RBM6: variants seen among roughly 807,000 people sequenced by gnomAD.
The protein encoded by RBM6 is RNA-binding protein 6.
A neutral mutation model predicts 140.4 loss-of-function variants in RBM6; 23 were observed. The observed-to-expected ratio is 0.16, with a 90% confidence interval of 0.12 to 0.23. RBM6 has a LOEUF of 0.23. Among genes scored for constraint, RBM6 ranks in the 10% least tolerant of loss-of-function variants. The pLI is 1.00. For missense variants in RBM6, 1,139 were observed against 1,386.7 expected, an observed-to-expected ratio of 0.82 and a Z score of 2.84; for synonymous variants, 439 against 475.6, an observed-to-expected ratio of 0.92 and a Z score of 1.00.
intron 6 of RBM6, among the ~76,000 whole-genome samples, chr3:50,010,241 T>C (rs1473174685): frequency 1.3e-5 from 2 of 152,160 alleles, no homozygotes; most frequent in Non-Finnish European, 2.9e-5. Context: ...ATTTTGTATA[T>C]TAATGATGTA....
Position 50,036,514 on chromosome 3 carries a change from T to C in RBM6, c.1558-11731T>C, listed in dbSNP as rs1030567796. Reference sequence around the variant, plus strand: ...GAATCATTCCCTCACTCTATACATATCTGCTGTTAAAAAAAAAAAAGTTAA... The same window carrying C: ...GAATCATTCCCTCACTCTATACATACCTGCTGTTAAAAAAAAAAAAGTTAA... On this transcript the variant is annotated intron_variant, in intron 6 of 20. Coordinates refer to ENST00000266022, the MANE Select transcript of RBM6 (RefSeq NM_005777.3). Among the ~76,000 whole-genome samples the C allele has an allele frequency of 1.3e-4, 19 of 151,852 alleles. No homozygotes were observed. The Middle Eastern group carries it at 0.017, about 136-fold the overall frequency.
At chr3:49,947,275 G>C (rs1032980700) in intron 1 of RBM6, among the ~76,000 whole-genome samples, 5 of 48,752 alleles carry the variant, frequency 1.0e-4, no homozygotes, top group South Asian at 5.0e-4. Context: ...GGGGGGGGGG[G>C]GGTTTTGAGC....
chr3:49,991,572 A>G (rs1362101791), intron 5 of RBM6, among the ~76,000 whole-genome samples: 2 of 152,170 alleles, frequency 1.3e-5, no homozygotes, highest in Non-Finnish European at 2.9e-5. Context: ...TAGGAGCTGT[A>G]TGCCAGGAAC....
chr3:50,038,923 G>C (rs1190123448), intron 6 of RBM6, among the ~76,000 whole-genome samples: 2 of 152,198 alleles, frequency 1.3e-5, no homozygotes, highest in African/African-American at 2.4e-5. Flanking sequence ...ATTGCAGTAG[G>C]AGAGAGCCTC....
intron 5 of RBM6, among the ~76,000 whole-genome samples, chr3:49,998,610 G>A (rs1310736246): frequency 6.6e-6 from 1 of 152,176 alleles, no homozygotes; most frequent in Non-Finnish European, 1.5e-5. Context: ...ACAACTCTCA[G>A]GCCTGTGCTG....
chr3:50,076,634 C>T (rs2090468714), intron 20 of RBM6, among the ~76,000 whole-genome samples: 1 of 151,462 alleles, frequency 6.6e-6, no homozygotes, highest in Non-Finnish European at 1.5e-5. Flanking sequence ...ATCTGTAATC[C>T]CAACACTTTG....
intron 1 of RBM6, among the ~76,000 whole-genome samples, chr3:49,955,892 A>T (rs1046852548): frequency 6.8e-6 from 1 of 146,474 alleles, no homozygotes; most frequent in Non-Finnish European, 1.5e-5. Context: ...GTGTATATGT[A>T]TATATATTCT....
chr3:50,018,407 T>A (rs2108786749), intron 6 of RBM6, among the ~76,000 whole-genome samples: 1 of 152,300 alleles, frequency 6.6e-6, no homozygotes, highest in Non-Finnish European at 1.5e-5. Context: ...TGTATGGATA[T>A]ATCACAGTTT....
At chr3:50,007,661 T>C (rs1175428206) in intron 6 of RBM6, among the ~76,000 whole-genome samples, 2 of 151,712 alleles carry the variant, frequency 1.3e-5, no homozygotes, top group Admixed American at 1.3e-4. Context: ...GCCTCCTGAG[T>C]AGCTGGGACT....
At chr3:49,952,127 C>A (rs143755546) in intron 1 of RBM6, among the ~76,000 whole-genome samples, 1 of 151,954 alleles carries the variant, frequency 6.6e-6, no homozygotes, top group African/African-American at 2.4e-5. Context: ...CTCTGCCTCC[C>A]GAGTTCAAGT....
intron 15 of RBM6, among the ~76,000 whole-genome samples, chr3:50,062,388 C>T (rs1184651635): frequency 6.6e-6 from 1 of 151,870 alleles, no homozygotes. Context: ...CCTGTAGTCC[C>T]AGCTACTCAG....
chr3:50,059,988 C>T (rs573373101), intron 11 of RBM6, among the ~76,000 whole-genome samples: 2 of 152,190 alleles, frequency 1.3e-5, no homozygotes, highest in East Asian at 3.9e-4. Context: ...ATCTTTGGGT[C>T]CCAAATGGCC....
At chr3:50,040,522 GTA>G (rs776376506) in intron 6 of RBM6, among the ~76,000 whole-genome samples, 3 of 137,380 alleles carry the variant, frequency 2.2e-5, no homozygotes, top group African/African-American at 8.5e-5. Flanking sequence ...ACACACGTGT[GTA>G]TATATATACA....
At chr3:49,941,467 C>G (rs921492659) in intron 1 of RBM6, among the ~76,000 whole-genome samples, 1 of 151,538 alleles carries the variant, frequency 6.6e-6, no homozygotes, top group Admixed American at 6.6e-5. Context: ...ATGGAGAAAC[C>G]GCGTCTCTAC....
In RBM6 at chr3:49,993,772, G is replaced by A. The variant is rs149502596; in HGVS notation, c.1484-5668G>A. Among the ~76,000 whole-genome samples the A allele has an allele frequency of 3.1e-3, 477 of 151,910 alleles. 3 individuals carry two copies. Among genetic ancestry groups the A allele is most frequent in the African/African-American group, 0.011 (455 of 41,476 alleles). On this transcript the variant is annotated intron_variant, in intron 5 of 20. Coordinates refer to ENST00000266022, the MANE Select transcript of RBM6 (RefSeq NM_005777.3). ...ATTGAAAGTGTTTATAAGATTTCAA[G>A]GTGATGGGCTGGACACAGTTGCTCA...
intron 6 of RBM6, among the ~76,000 whole-genome samples, chr3:50,032,532 A>G (rs1181060596): frequency 1.3e-5 from 2 of 152,008 alleles, no homozygotes; most frequent in Admixed American, 6.6e-5. Context: ...AAGAGAGCAA[A>G]TAGACATTGG....
At chr3:50,030,906 T>C (rs1470738917) in intron 6 of RBM6, among the ~76,000 whole-genome samples, 1 of 150,422 alleles carries the variant, frequency 6.6e-6, no homozygotes, top group Non-Finnish European at 1.5e-5. Context: ...TACCAGAGTA[T>C]GGGAAGGGTA....
At chr3:49,947,574 T>C (rs534403278) in intron 1 of RBM6, among the ~76,000 whole-genome samples, 13 of 152,236 alleles carry the variant, frequency 8.5e-5, no homozygotes, top group Admixed American at 3.3e-4. Flanking sequence ...ATAGTGTCTT[T>C]TGATGCACAG....
chr3:49,975,462 A>G (rs953667840), intron 5 of RBM6, 70 bp downstream of exon 5: 3 of 1,309,630 alleles, frequency 2.3e-6, no homozygotes, highest in Middle Eastern at 1.9e-4. Flanking sequence ...ATCATGTGCT[A>G]CTTAAAATTT....
Sources: allele counts gnomAD v4.1 joint callset (sites outside exome capture counted in the v4.1 genomes callset), GRCh38; gene constraint gnomAD v4.1.1; transcripts MANE v1.5; gene names NCBI Gene and HGNC (gene_info 2026-07-23, HGNC 2026-07-21).